Variants in DMD observed in about 807,000 individuals in gnomAD.
The protein encoded by DMD is mutant dystrophin.
DMD carries 63 observed loss-of-function variants against 330.1 expected under a neutral mutation model. The ratio of observed to expected loss-of-function variants is 0.19; its 90% confidence interval spans 0.16 to 0.24. The LOEUF (loss-of-function observed/expected upper bound fraction) is 0.24, where lower values mean the gene tolerates loss of function less well. Ranked by LOEUF, DMD falls within the 10% of genes least tolerant of loss-of-function variation. The probability of loss-of-function intolerance (pLI) is 1.00; values close to 1 mark genes in which losing one functional copy is unlikely to be tolerated. For missense variants in DMD, 3,344 were observed against 2,684.1 expected (o/e 1.25, Z -5.43); for synonymous variants, 1,223 against 959.8 (o/e 1.27, Z -5.07).
intron 1 of DMD, among the ~76,000 whole-genome samples, chrX:33,178,952 G>T (rs1173292195): frequency 8.9e-6 from 1 of 112,343 alleles, no homozygotes; most frequent in African/African-American, 3.2e-5. Flanking sequence ...CAGGCAGCCA[G>T]ATAGTGTTGT....
chrX:31,841,767 C>T (rs2093322674), intron 48 of DMD, among the ~76,000 whole-genome samples: 1 of 112,179 alleles, frequency 8.9e-6, no homozygotes, highest in Non-Finnish European at 1.9e-5. Context: ...ATATTTTAGG[C>T]CCACTGGCCA....
Position 33,061,541 on chromosome X carries a change from C to T in DMD, c.32-41341G>A, listed in dbSNP as rs773773112. ...TGATATTCAGATATTCAGTTCTCCCCGATGCCTTAATCTGGGTGTTGTTTT... is the reference window on the plus strand; with the variant it reads ...TGATATTCAGATATTCAGTTCTCCCTGATGCCTTAATCTGGGTGTTGTTTT... On this transcript the variant is annotated intron_variant, in intron 1 of 78. Coordinates refer to ENST00000357033, the MANE Select transcript of DMD (RefSeq NM_004006.3). 6.3e-5 allele frequency among the ~76,000 whole-genome samples: 7 copies of T among 111,254 alleles called. No individual in the cohort carries two copies. The South Asian group carries it at 2.3e-3, about 36-fold the overall frequency.
rs199894213 is a variant in DMD, at chrX:33,198,563, TATAAC to T, written c.31+12714_31+12718del. ...TAAAATGCAATCAAAATATCATTAT[TATAAC>T]ATATTATATGTAAACATCTGTAATT... On this transcript the variant is annotated intron_variant, in intron 1 of 78. Transcript: ENST00000357033. Among the ~76,000 whole-genome samples, 812 of 111,623 alleles carry T rather than the reference TATAAC, an allele frequency of 7.3e-3. 23 individuals carry two copies. The highest frequency in any genetic ancestry group is 0.053 in the Admixed American group (549 of 10,347).
chrX:31,531,647 G>GT (rs1225603993), intron 55 of DMD, among the ~76,000 whole-genome samples: 1 of 105,986 alleles, frequency 9.4e-6, no homozygotes, highest in Non-Finnish European at 1.9e-5. Context: ...TCTGATGGTA[G>GT]TTTCTTTTGC....
At chrX:31,683,637 A>T (rs1042367262) in intron 52 of DMD, among the ~76,000 whole-genome samples, 2 of 112,013 alleles carry the variant, frequency 1.8e-5, no homozygotes, top group Admixed American at 1.9e-4. Context: ...CGGGCTGGGA[A>T]TGGACTCCTG....
chrX:32,831,724 G>GA (rs2079172982), intron 4 of DMD, among the ~76,000 whole-genome samples: 3 of 107,594 alleles, frequency 2.8e-5, no homozygotes, highest in Admixed American at 1.0e-4. Flanking sequence ...ATGAGAGAGA[G>GA]AAAAAGACAG....
At chrX:33,309,038 G>A (rs2053807813) in intron 1 of DMD, among the ~76,000 whole-genome samples, 2 of 111,422 alleles carry the variant, frequency 1.8e-5, no homozygotes, top group African/African-American at 3.3e-5. Context: ...ATGTTATAAA[G>A]GATAATTGAA....
chrX:32,239,281 A>G (rs1370241753), intron 43 of DMD, among the ~76,000 whole-genome samples: 1 of 112,039 alleles, frequency 8.9e-6, no homozygotes, highest in Non-Finnish European at 1.9e-5. Flanking sequence ...TTGGCTATTT[A>G]TACTGCTTTA....
At chrX:31,986,409 T>C (rs900793792) in intron 44 of DMD, among the ~76,000 whole-genome samples, 9 of 110,397 alleles carry the variant, frequency 8.2e-5, no homozygotes, top group African/African-American at 2.6e-4. Flanking sequence ...TGCTTTTTTG[T>C]TTGTTTGTTT....
intron 44 of DMD, among the ~76,000 whole-genome samples, chrX:31,994,569 C>A (rs1162708037): frequency 9.0e-6 from 1 of 111,570 alleles, no homozygotes; most frequent in Non-Finnish European, 1.9e-5. Flanking sequence ...GCCTTCTTTT[C>A]GCATTAACCT....
At chrX:31,638,573 G>A (rs1197204863) in intron 54 of DMD, among the ~76,000 whole-genome samples, 1 of 112,448 alleles carries the variant, frequency 8.9e-6, no homozygotes, top group African/African-American at 3.2e-5. Context: ...TATAACGAAA[G>A]ACTTTGTCAA....
At chrX:32,841,617 A>C (rs1240978423) in intron 4 of DMD, among the ~76,000 whole-genome samples, 6 of 112,026 alleles carry the variant, frequency 5.4e-5, no homozygotes, top group Admixed American at 4.7e-4. Flanking sequence ...ATTTTTAATA[A>C]ATGGTGTGTT....
In DMD at chrX:32,380,575, A is replaced by G. The variant is rs1359144760; in HGVS notation, c.4780T>C (p.Leu1594=). ...TEWLAATDME[L]TKRSAVEGMP... The stretch of plus-strand genomic sequence containing the variant: ...CCTTCAACTGCTGATCTCTTTGTCA[A>G]TTCCATATCTGTAGCTGCCAGCCAT... The change falls in exon 34 of 79, where the codon TTG becomes CTG. Residue 1594 remains leucine (L), a synonymous_variant. Transcript: ENST00000357033. The G allele has an allele frequency of 5.0e-6, 6 of 1,210,514 alleles. No individual in the cohort carries two copies. The highest frequency in any genetic ancestry group is 2.2e-5 in the Admixed American group (1 of 45,914).
intron 1 of DMD, among the ~76,000 whole-genome samples, chrX:33,257,181 C>T (rs746360765): frequency 3.6e-5 from 4 of 110,800 alleles, no homozygotes; most frequent in Admixed American, 1.9e-4. Context: ...ATACCACTTT[C>T]GTTCCTTTTA....
chrX:31,414,313 C>T (rs1054153066), intron 60 of DMD, among the ~76,000 whole-genome samples: 1 of 111,753 alleles, frequency 8.9e-6, no homozygotes, highest in African/African-American at 3.3e-5. Flanking sequence ...CTGCACCCGG[C>T]CCCCAGATTT....
intron 50 of DMD, among the ~76,000 whole-genome samples, chrX:31,779,582 TTTTG>T (rs1431028923): frequency 2.7e-5 from 3 of 111,896 alleles, no homozygotes; most frequent in Non-Finnish European, 5.6e-5. Flanking sequence ...TTTGGGTGGG[TTTTG>T]TTTGTTTGTT....
chrX:33,004,960 G>T (rs1338253788), intron 2 of DMD, among the ~76,000 whole-genome samples: 2 of 111,183 alleles, frequency 1.8e-5, no homozygotes, highest in Non-Finnish European at 3.8e-5. Flanking sequence ...AAATTTTATA[G>T]TCTGCTAACT....
chrX:32,357,996 C>T (rs745643090), intron 37 of DMD, among the ~76,000 whole-genome samples: 119 of 110,257 alleles, frequency 1.1e-3, no homozygotes, highest in African/African-American at 3.7e-3. Flanking sequence ...TCCATGAACA[C>T]ATCTTGCCCT....
At chrX:32,830,304 T>A in intron 4 of DMD, among the ~76,000 whole-genome samples, 1 of 111,847 alleles carries the variant, frequency 8.9e-6, no homozygotes, top group Middle Eastern at 4.6e-3. Context: ...ATGTTTTTTT[T>A]TCTAATACAC....
Sources: allele counts gnomAD v4.1 joint callset (sites outside exome capture counted in the v4.1 genomes callset), GRCh38; gene constraint gnomAD v4.1.1; transcripts MANE v1.5; gene names NCBI Gene and HGNC (gene_info 2026-07-23, HGNC 2026-07-21).